NFKB1: variants seen among roughly 807,000 people sequenced by gnomAD.
NFKB1 encodes the protein nuclear factor NF-kappa-B p105 subunit.
NFKB1 carries 9 observed loss-of-function variants against 105.1 expected under a neutral mutation model. The ratio of observed to expected loss-of-function variants is 0.09; its 90% confidence interval spans 0.05 to 0.15. The LOEUF is 0.15. Ranked by LOEUF, NFKB1 falls within the 10% of genes least tolerant of loss-of-function variation. The probability of loss-of-function intolerance (pLI) is 1.00; values close to 1 mark genes in which losing one functional copy is unlikely to be tolerated. For missense variants in NFKB1, 830 were observed against 1,203.7 expected (o/e 0.69, Z 4.59); for synonymous variants, 440 against 442.2 (o/e 1.00, Z 0.06).
chr4:102,520,108 A>G (rs866442087), intron 1 of NFKB1, among the ~76,000 whole-genome samples: 1 of 152,216 alleles, frequency 6.6e-6, no homozygotes, highest in African/African-American at 2.4e-5. Context: ...AGGACCACCT[A>G]TCCAGCTGTG....
chr4:102,545,705 C>T (rs144564479), intron 5 of NFKB1, among the ~76,000 whole-genome samples: 1 of 152,112 alleles, frequency 6.6e-6, no homozygotes, highest in Admixed American at 6.6e-5. Context: ...AAAAATGTTT[C>T]AACCACAGAG....
intron 12 of NFKB1, among the ~76,000 whole-genome samples, chr4:102,594,018 G>A (rs952632864): frequency 6.6e-6 from 1 of 152,166 alleles, no homozygotes; most frequent in East Asian, 1.9e-4. Flanking sequence ...TTATGTATAT[G>A]TTATAGTATA....
At chr4:102,580,408 T>C (rs1725232991) in intron 8 of NFKB1, 127 bp from the exon 9 acceptor site, 1 of 710,876 alleles carries the variant, frequency 1.4e-6, no homozygotes, top group Non-Finnish European at 2.5e-6. Flanking sequence ...TTATTTACTT[T>C]GTTAGTGAAA....
Position 102,610,611 on chromosome 4 carries a change from A to G in NFKB1, c.2264A>G (p.Tyr755Cys), listed in dbSNP as rs750585384. The G allele has an allele frequency of 5.6e-6, 9 of 1,614,022 alleles. No individual in the cohort carries two copies. Among genetic ancestry groups the G allele is most frequent in the Non-Finnish European group, 7.6e-6 (9 of 1,179,948 alleles). ...DPLVENFEPL[Y>C]DLDDSWENAG... ...CTGGTGGAGAACTTTGAGCCTCTCTATGACCTGGATGACTCTTGGGAAAAT... is the reference window on the plus strand; with the variant it reads ...CTGGTGGAGAACTTTGAGCCTCTCTGTGACCTGGATGACTCTTGGGAAAAT... Residue 755 changes from tyrosine to cysteine, a missense_variant, in exon 20 of 24, where the codon TAT becomes TGT. Coordinates refer to ENST00000226574, the MANE Select transcript of NFKB1 (RefSeq NM_003998.4).
chr4:102,587,021 T>C (rs1725765271), intron 11 of NFKB1, among the ~76,000 whole-genome samples: 1 of 152,258 alleles, frequency 6.6e-6, no homozygotes, highest in African/African-American at 2.4e-5. Context: ...GTGCACTCTA[T>C]ATCCTGGTGG....
At chr4:102,563,305 G>C (rs891999098) in intron 5 of NFKB1, among the ~76,000 whole-genome samples, 1 of 152,076 alleles carries the variant, frequency 6.6e-6, no homozygotes, top group East Asian at 1.9e-4. Flanking sequence ...AAGAATGATA[G>C]CTGTTACTAT....
rs560675703 is a variant in NFKB1, at chr4:102,505,782, C to T, written c.-8+3994C>T. Among the ~76,000 whole-genome samples the T allele has an allele frequency of 9.9e-5, 15 of 152,128 alleles. 1 individual carries two copies. The highest frequency in any genetic ancestry group is 8.3e-4 in the South Asian group (4 of 4,826). ...ATAAATAATATCTAATCAATACTGACGAAAGAAATATCTGATGCTTAGCAT... is the reference window on the plus strand; with the variant it reads ...ATAAATAATATCTAATCAATACTGATGAAAGAAATATCTGATGCTTAGCAT... On this transcript the variant is annotated intron_variant, in intron 1 of 23. Transcript: ENST00000226574.
chr4:102,562,292 C>T (rs1723502843), intron 5 of NFKB1, among the ~76,000 whole-genome samples: 1 of 152,190 alleles, frequency 6.6e-6, no homozygotes, highest in African/African-American at 2.4e-5. Context: ...CTGACCCAGT[C>T]AAGTGCTTCT....
chr4:102,530,927 T>A (rs977705754), intron 3 of NFKB1, among the ~76,000 whole-genome samples: 10 of 152,194 alleles, frequency 6.6e-5, no homozygotes, highest in Non-Finnish European at 1.3e-4. Flanking sequence ...AACATTATTT[T>A]TAGGCTGCCA....
intron 5 of NFKB1, among the ~76,000 whole-genome samples, chr4:102,552,973 C>G (rs1380626247): frequency 6.6e-6 from 1 of 152,068 alleles, no homozygotes; most frequent in East Asian, 1.9e-4. Context: ...GTAAAAAGAC[C>G]AGTAAAGTAG....
At chr4:102,596,392 C>T (rs969703890) in intron 14 of NFKB1, 60 bp downstream of exon 14, 1 of 1,346,652 alleles carries the variant, frequency 7.4e-7, no homozygotes, top group South Asian at 1.7e-5. Flanking sequence ...GTCCTAGGTG[C>T]AGAAAGATAT....
At chr4:102,609,119 C>T (rs1027325773) in intron 19 of NFKB1, among the ~76,000 whole-genome samples, 1 of 115,824 alleles carries the variant, frequency 8.6e-6, no homozygotes, top group African/African-American at 3.0e-5. Flanking sequence ...CACCACTGCA[C>T]TCCAGCCTGA....
intron 2 of NFKB1, among the ~76,000 whole-genome samples, chr4:102,527,518 G>A (rs1467482146): frequency 6.6e-6 from 1 of 152,070 alleles, no homozygotes; most frequent in African/African-American, 2.4e-5. Flanking sequence ...AAAGGCTCTG[G>A]TATCATTTCT....
At chr4:102,563,805 C>G (rs1200010271) in intron 5 of NFKB1, among the ~76,000 whole-genome samples, 1 of 146,246 alleles carries the variant, frequency 6.8e-6, no homozygotes, top group Non-Finnish European at 1.5e-5. Context: ...TTGACTTTAA[C>G]TGAAAGCTTA....
At chr4:102,537,305 A>G (rs186738686) in intron 4 of NFKB1, among the ~76,000 whole-genome samples, 1 of 152,316 alleles carries the variant, frequency 6.6e-6, no homozygotes, top group Non-Finnish European at 1.5e-5. Flanking sequence ...CAAAAATCTT[A>G]TCCTCTGAAA....
intron 1 of NFKB1, among the ~76,000 whole-genome samples, chr4:102,519,626 G>C (rs922566100): frequency 6.6e-6 from 1 of 152,020 alleles, no homozygotes; most frequent in Non-Finnish European, 1.5e-5. Context: ...GCTGTGCTAT[G>C]GGTAGACTAG....
intron 6 of NFKB1, among the ~76,000 whole-genome samples, chr4:102,571,353 A>C (rs1261665196): frequency 6.6e-6 from 1 of 152,238 alleles, no homozygotes; most frequent in African/African-American, 2.4e-5. Flanking sequence ...TAAAGACTTA[A>C]ATGTTATATC....
At chr4:102,532,367 G>A (rs1400110448) in intron 3 of NFKB1, among the ~76,000 whole-genome samples, 1 of 152,130 alleles carries the variant, frequency 6.6e-6, no homozygotes, top group African/African-American at 2.4e-5. Context: ...GGTGGCTCAC[G>A]CCTGTAATCC....
intron 6 of NFKB1, among the ~76,000 whole-genome samples, chr4:102,576,228 A>G (rs1466614634): frequency 1.3e-5 from 2 of 152,234 alleles, no homozygotes; most frequent in African/African-American, 4.8e-5. Context: ...CCAACCTTAT[A>G]GATAACTCAG....
Sources: allele counts gnomAD v4.1 joint callset (sites outside exome capture counted in the v4.1 genomes callset), GRCh38; gene constraint gnomAD v4.1.1; transcripts MANE v1.5; gene names NCBI Gene and HGNC (gene_info 2026-07-23, HGNC 2026-07-21).